The following AFF2 variants were observed in gnomAD, a reference collection of about 807,000 sequenced individuals.
The protein encoded by AFF2 is AF4/FMR2 family member 2.
A neutral mutation model predicts 76.9 loss-of-function variants in AFF2; 14 were observed. That is an observed-to-expected ratio of 0.18 (90% CI 0.12 to 0.28). The LOEUF (loss-of-function observed/expected upper bound fraction) is 0.28. AFF2 is among the 10% of genes least tolerant of loss of function. The pLI is 1.00. For missense variants in AFF2, 868 were observed against 1,001.1 expected (o/e 0.87, Z 1.79); for synonymous variants, 398 against 366.7 (o/e 1.09, Z -0.98).
At chrX:148,646,670 T>C (rs1237697561) in intron 1 of AFF2, among the ~76,000 whole-genome samples, 6 of 112,360 alleles carry the variant, frequency 5.3e-5, no homozygotes, top group African/African-American at 6.5e-5. Context: ...TTTCATTCTC[T>C]TCTTGATTAT....
At chrX:148,792,154 A>C (rs1161592209) in intron 3 of AFF2, among the ~76,000 whole-genome samples, 1 of 111,674 alleles carries the variant, frequency 9.0e-6, no homozygotes, top group African/African-American at 3.3e-5. Flanking sequence ...CTGAGCCTCT[A>C]TGAACCTCAC....
At chrX:148,912,330 G>C (rs2071479897) in intron 9 of AFF2, among the ~76,000 whole-genome samples, 1 of 111,309 alleles carries the variant, frequency 9.0e-6, no homozygotes. Context: ...TCCCCTCCCT[G>C]TGTCCACGTG....
At chrX:148,586,901 C>T (rs970817409) in intron 1 of AFF2, among the ~76,000 whole-genome samples, 3 of 110,430 alleles carry the variant, frequency 2.7e-5, no homozygotes, top group East Asian at 2.8e-4. Flanking sequence ...TTCCCTCCCT[C>T]GCTATCTCCT....
chrX:148,808,643 G>A lies in AFF2; in HGVS notation c.1042-1233G>A, dbSNP rs138880699. Reference sequence around the variant, plus strand: ...TATACTGGGCCATCTAGAATTGATAGCCCTTCATTATTGGTGACTGTCTCA... The same window carrying A: ...TATACTGGGCCATCTAGAATTGATAACCCTTCATTATTGGTGACTGTCTCA... On this transcript the variant is annotated intron_variant, in intron 3 of 20. Coordinates refer to ENST00000370460, the MANE Select transcript of AFF2 (RefSeq NM_002025.4). Among the ~76,000 whole-genome samples the A allele has an allele frequency of 7.4e-3, 828 of 111,966 alleles. 5 individuals carry two copies. The highest frequency in any genetic ancestry group is 0.012 in the Non-Finnish European group (648 of 53,182).
At chrX:148,584,312 T>G (rs2053444554) in intron 1 of AFF2, among the ~76,000 whole-genome samples, 1 of 111,991 alleles carries the variant, frequency 8.9e-6, no homozygotes, top group Admixed American at 9.5e-5. Flanking sequence ...AAAGTCATTT[T>G]ATTTTCTGTT....
chrX:148,597,351 A>C (rs2053583855), intron 1 of AFF2, among the ~76,000 whole-genome samples: 1 of 111,019 alleles, frequency 9.0e-6, no homozygotes, highest in South Asian at 3.8e-4. Flanking sequence ...TGCCAGGTAA[A>C]ATCAGCACAG....
intron 3 of AFF2, among the ~76,000 whole-genome samples, chrX:148,742,704 C>T (rs1482783884): frequency 9.0e-6 from 1 of 111,725 alleles, no homozygotes; most frequent in Non-Finnish European, 1.9e-5. Flanking sequence ...ACGATATTTG[C>T]TGTAAAAAAT....
intron 1 of AFF2, among the ~76,000 whole-genome samples, chrX:148,596,385 A>T (rs1331461062): frequency 3.6e-5 from 4 of 112,016 alleles, no homozygotes; most frequent in African/African-American, 1.3e-4. Context: ...CCCTGGTGTG[A>T]CTGCCTAGTC....
intron 3 of AFF2, among the ~76,000 whole-genome samples, chrX:148,691,676 A>G (rs1260672471): frequency 1.8e-5 from 2 of 111,733 alleles, no homozygotes; most frequent in East Asian, 2.8e-4. Context: ...AGTGGACCCA[A>G]TGTAGTTTGG....
At chrX:148,543,045 C>T (rs1418485360) in intron 1 of AFF2, among the ~76,000 whole-genome samples, 3 of 111,766 alleles carry the variant, frequency 2.7e-5, no homozygotes, top group African/African-American at 9.8e-5. Context: ...TTCCTGATGA[C>T]TTACCATCCT....
chrX:148,985,452 T>C (rs1242682937), intron 19 of AFF2, among the ~76,000 whole-genome samples: 1 of 108,759 alleles, frequency 9.2e-6, no homozygotes, highest in Non-Finnish European at 1.9e-5. Flanking sequence ...CAGGCACACG[T>C]CACATGCCTT....
At position 148,995,497 on chromosome X, in the gene AFF2, G is replaced by A. The variant is rs1378554751; in HGVS notation, c.*4165G>A. On this transcript the variant is annotated 3_prime_UTR_variant, in exon 21 of 21. Coordinates refer to ENST00000370460, the MANE Select transcript of AFF2 (RefSeq NM_002025.4). ...AGGGGGTGGGGGTGGGGGCGGGGGG[G>A]TGGGGGGTGGGGAAGCCCCACAAAG... The A allele has an allele frequency of 2.1e-5, 2 of 94,828 alleles. No individual in the cohort carries two copies. Among genetic ancestry groups the A allele is most frequent in the East Asian group, 7.9e-4 (2 of 2,530 alleles). 7.8% of individuals were successfully genotyped at this position (94,828 alleles called of 1,213,427 possible).
At chrX:148,810,127 C>G (rs1557271699) in intron 4 of AFF2, among the ~76,000 whole-genome samples, 1 of 112,029 alleles carries the variant, frequency 8.9e-6, no homozygotes, top group African/African-American at 3.2e-5. Flanking sequence ...TCTAATATCA[C>G]TAAGCTTCTG....
intron 1 of AFF2, among the ~76,000 whole-genome samples, chrX:148,538,541 G>A (rs2052813800): frequency 1.8e-5 from 2 of 112,686 alleles, no homozygotes; most frequent in African/African-American, 3.2e-5. Flanking sequence ...GCGAAGCACT[G>A]ACTAAATTTA....
intron 10 of AFF2, among the ~76,000 whole-genome samples, chrX:148,954,128 T>C (rs967267804): frequency 8.9e-5 from 10 of 112,275 alleles, no homozygotes; most frequent in Non-Finnish European, 1.7e-4. Flanking sequence ...GTGATTAAAG[T>C]GTGAATTGCC....
chrX:148,548,867 A>G (rs782326102), intron 1 of AFF2, among the ~76,000 whole-genome samples: 1 of 112,618 alleles, frequency 8.9e-6, no homozygotes, highest in Non-Finnish European at 1.9e-5. Context: ...TAAAAATACA[A>G]TCTTTTTGGT....
intron 7 of AFF2, among the ~76,000 whole-genome samples, chrX:148,863,097 C>T (rs781818030): frequency 2.1e-4 from 24 of 111,797 alleles, no homozygotes; most frequent in African/African-American, 7.5e-4. Flanking sequence ...GTAACAGCTA[C>T]CTTATCATAT....
At chrX:148,604,419 G>A (rs1557248534) in intron 1 of AFF2, among the ~76,000 whole-genome samples, 1 of 111,851 alleles carries the variant, frequency 8.9e-6, no homozygotes, top group Non-Finnish European at 1.9e-5. Context: ...AAGAGACAGG[G>A]TCTTGCTCTC....
At position 148,999,531 on chromosome X, in the gene AFF2, G is replaced by A. The variant is rs918700022; in HGVS notation, c.*8199G>A. On this transcript the variant is annotated 3_prime_UTR_variant, in exon 21 of 21. Coordinates refer to ENST00000370460, the MANE Select transcript of AFF2 (RefSeq NM_002025.4). ...TGGGGATGCTTACCAACACCATGTC[G>A]CTGGACCATTGTGGCAAGCCATAAC... The A allele has an allele frequency of 2.7e-5, 3 of 111,918 alleles. No individual in the cohort carries two copies. The highest frequency in any genetic ancestry group is 5.6e-5 in the Non-Finnish European group (3 of 53,128). 9.2% of individuals were successfully genotyped at this position (111,918 alleles called of 1,213,427 possible). A position where few individuals can be genotyped will look rare whatever the true frequency, so the allele number is the denominator to read the frequency against.
Sources: gnomAD v4.1 joint callset for allele counts (sites outside exome capture counted in the v4.1 genomes callset) on GRCh38, gnomAD v4.1.1 for gene constraint, MANE v1.5 for transcripts, NCBI Gene and HGNC (gene_info 2026-07-23, HGNC 2026-07-21) for gene names.